SLC9A9: variants seen among roughly 807,000 people sequenced by gnomAD.
The protein encoded by SLC9A9 is sodium/hydrogen exchanger 9.
SLC9A9 carries 62 observed loss-of-function variants against 77.8 expected under a neutral mutation model. The observed-to-expected ratio is 0.80, with a 90% confidence interval of 0.65 to 0.98. The LOEUF is 0.98. Among genes scored for constraint, SLC9A9 ranks in the 50% least tolerant of loss-of-function variants. SLC9A9 has a pLI of 0.00. For synonymous variants in SLC9A9, 320 were observed against 283.5 expected, an observed-to-expected ratio of 1.13 and a Z score of -1.29; for missense variants, 775 against 774.9, an observed-to-expected ratio of 1.00 and a Z score of 0.00.
chr3:143,707,400 AC>A (rs60762977), intron 4 of SLC9A9, among the ~76,000 whole-genome samples: 1 of 145,002 alleles, frequency 6.9e-6, no homozygotes, highest in Non-Finnish European at 1.5e-5. Context: ...ACACACACAC[AC>A]CCCAGCTGGG....
intron 3 of SLC9A9, among the ~76,000 whole-genome samples, chr3:143,795,673 G>T (rs1394144089): frequency 6.6e-6 from 1 of 152,176 alleles, no homozygotes; most frequent in Non-Finnish European, 1.5e-5. Context: ...AAGCTGCTGT[G>T]AGCCATAATC....
At chr3:143,627,593 C>A in intron 6 of SLC9A9, 1 of 322,066 alleles carries the variant, frequency 3.1e-6, no homozygotes, top group South Asian at 3.6e-5. Context: ...GCAGACCTCT[C>A]ACTAACAAAA....
chr3:143,743,241 G>GGATGGATGGATAGATA (rs1459309618), intron 4 of SLC9A9, among the ~76,000 whole-genome samples: 3 of 133,578 alleles, frequency 2.2e-5, no homozygotes, highest in Admixed American at 7.8e-5. Flanking sequence ...ATGGATGGAT[G>GGATGGATGGATAGATA]GATAGATAGA....
chr3:143,393,713 TAAAG>T (rs917389790), intron 12 of SLC9A9, among the ~76,000 whole-genome samples: 99 of 151,324 alleles, frequency 6.5e-4, no homozygotes, highest in African/African-American at 2.3e-3. Context: ...GCAAGACTAA[TAAAG>T]AAGAAAAGAG....
intron 9 of SLC9A9, among the ~76,000 whole-genome samples, chr3:143,545,240 A>C (rs1188953944): frequency 6.6e-6 from 1 of 152,200 alleles, no homozygotes; most frequent in Non-Finnish European, 1.5e-5. Flanking sequence ...CTCTACACCC[A>C]AACTCCAAAA....
At chr3:143,453,286 AG>A (rs2035038144) in intron 12 of SLC9A9, among the ~76,000 whole-genome samples, 1 of 152,096 alleles carries the variant, frequency 6.6e-6, no homozygotes, top group Non-Finnish European at 1.5e-5. Context: ...TTTAAAGACT[AG>A]ATTATTTCTA....
chr3:143,701,064 C>T (rs1314279456), intron 4 of SLC9A9, among the ~76,000 whole-genome samples: 1 of 152,236 alleles, frequency 6.6e-6, no homozygotes, highest in African/African-American at 2.4e-5. Context: ...AAGGCAGTAC[C>T]TCTTCGAGTC....
chr3:143,355,768 T>A (rs1370441983), intron 14 of SLC9A9, among the ~76,000 whole-genome samples: 2 of 152,192 alleles, frequency 1.3e-5, no homozygotes, highest in Non-Finnish European at 2.9e-5. Context: ...ATAAACGTGA[T>A]AAGCGAGTGA....
intron 14 of SLC9A9, among the ~76,000 whole-genome samples, chr3:143,338,166 C>CA (rs1415645020): frequency 6.6e-6 from 1 of 152,146 alleles, no homozygotes; most frequent in Non-Finnish European, 1.5e-5. Flanking sequence ...TTTCAAGAAA[C>CA]AAAAGAGCTC....
intron 9 of SLC9A9, among the ~76,000 whole-genome samples, chr3:143,506,677 G>A (rs1351045808): frequency 1.3e-5 from 2 of 152,112 alleles, no homozygotes; most frequent in African/African-American, 4.8e-5. Flanking sequence ...TATCTGCAAA[G>A]GCTGGGGGAC....
At chr3:143,774,917 T>C (rs1327388259) in intron 4 of SLC9A9, among the ~76,000 whole-genome samples, 1 of 152,164 alleles carries the variant, frequency 6.6e-6, no homozygotes, top group Non-Finnish European at 1.5e-5. Context: ...CCTCAGCTTT[T>C]CTGGCTTCTC....
chr3:143,832,960 A>G (rs912927843), intron 1 of SLC9A9, among the ~76,000 whole-genome samples: 2 of 152,158 alleles, frequency 1.3e-5, no homozygotes, highest in African/African-American at 4.8e-5. Context: ...GGTTACTTGT[A>G]GCCAAATGCA....
chr3:143,822,439 C>T (rs889757934), intron 2 of SLC9A9, among the ~76,000 whole-genome samples: 1 of 151,726 alleles, frequency 6.6e-6, no homozygotes, highest in Non-Finnish European at 1.5e-5. Context: ...GTCCTGTGAT[C>T]AGAAATGGAT....
chr3:143,306,171 G>T (rs2030772913), intron 14 of SLC9A9, among the ~76,000 whole-genome samples: 1 of 152,138 alleles, frequency 6.6e-6, no homozygotes, highest in African/African-American at 2.4e-5. Context: ...CACCATCAGG[G>T]AGGCAGTGGG....
intron 13 of SLC9A9, among the ~76,000 whole-genome samples, chr3:143,376,099 C>T (rs16846341): frequency 0.11 from 16,184 of 152,154 alleles, 959 homozygotes; most frequent in East Asian, 0.16. Context: ...AAGGATGACA[C>T]ACTCTGCAGT....
chr3:143,266,299 A>C lies in SLC9A9; in HGVS notation c.*403T>G. On this transcript the variant is annotated 3_prime_UTR_variant, in exon 16 of 16. Transcript: ENST00000316549. ...TAGGAGCAAAATGTTTACTCTCAGA[A>C]GCTTTCTTTTATTTTTAAACTCTCC... 1 of 584,868 alleles carries C rather than the reference A, an allele frequency of 1.7e-6. No homozygotes were observed. Among genetic ancestry groups the C allele is most frequent in the Non-Finnish European group, 3.0e-6 (1 of 329,826 alleles). The allele number at this position is 584,868 out of a possible 1,614,324, so 36.2% of individuals were successfully genotyped here. A position where few individuals can be genotyped will look rare whatever the true frequency, so the allele number is the denominator to read the frequency against.
intron 12 of SLC9A9, among the ~76,000 whole-genome samples, chr3:143,456,176 T>C (rs2035087983): frequency 6.6e-6 from 1 of 152,136 alleles, no homozygotes; most frequent in African/African-American, 2.4e-5. Flanking sequence ...CATGTTTTTC[T>C]TTTATCTGCT....
At chr3:143,691,882 T>A (rs181801897) in intron 5 of SLC9A9, among the ~76,000 whole-genome samples, 4 of 152,250 alleles carry the variant, frequency 2.6e-5, no homozygotes, top group African/African-American at 7.2e-5. Context: ...AATAAAAGCA[T>A]CTTGTTCAAC....
At chr3:143,457,955 T>C (rs1401014170) in intron 12 of SLC9A9, among the ~76,000 whole-genome samples, 1 of 152,196 alleles carries the variant, frequency 6.6e-6, no homozygotes, top group African/African-American at 2.4e-5. Context: ...TAAATGCAGC[T>C]GGTTGTTAGA....
Sources: allele counts gnomAD v4.1 joint callset (sites outside exome capture counted in the v4.1 genomes callset), GRCh38; gene constraint gnomAD v4.1.1; transcripts MANE v1.5; gene names NCBI Gene and HGNC (gene_info 2026-07-23, HGNC 2026-07-21).